The following RNF19B variants were observed in gnomAD, a reference collection of about 807,000 sequenced individuals.
RNF19B encodes the protein ring finger protein 19B.
RNF19B carries 23 observed loss-of-function variants against 65.5 expected under a neutral mutation model. The observed-to-expected ratio is 0.35, with a 90% CI of 0.25 to 0.50. The LOEUF is 0.50. Among genes scored for constraint, RNF19B ranks in the 20% least tolerant of loss-of-function variants. RNF19B has a pLI of 0.98. For synonymous variants in RNF19B, 372 were observed against 379.6 expected (o/e 0.98, Z 0.23); for missense variants, 794 against 980.0 (o/e 0.81, Z 2.53).
chr1:32,953,577 A>T (rs1009105849), intron 1 of RNF19B, among the ~76,000 whole-genome samples: 4 of 152,042 alleles, frequency 2.6e-5, no homozygotes, highest in Non-Finnish European at 4.4e-5. Context: ...CTGTATTAAA[A>T]CTCTTTTCAG....
In RNF19B at chr1:32,964,038, C is replaced by G; in HGVS notation, c.635+13G>C. ...GCAGCCCGCCGCCACCCGCGCCACG[C>G]CCCCGCGCTCACCCGCAGTCCGGGG... is the stretch of plus-strand genomic sequence containing the variant. On this transcript the variant is annotated intron_variant, in intron 1 of 8. Coordinates refer to ENST00000235150, the MANE Select transcript of RNF19B (RefSeq NM_001300826.2). The surrounding 1 kb of genome is among the most constrained non-coding windows in gnomAD (Gnocchi z 6.5). The G allele has an allele frequency of 1.4e-6, 2 of 1,465,356 alleles. No individual in the cohort carries two copies. The highest frequency in any genetic ancestry group is 9.0e-7 in the Non-Finnish European group (1 of 1,110,880). 90.8% of individuals were successfully genotyped at this position (1,465,356 alleles called of 1,614,324 possible).
intron 1 of RNF19B, among the ~76,000 whole-genome samples, chr1:32,953,815 A>G (rs533764377): frequency 1.3e-5 from 2 of 152,052 alleles, no homozygotes; most frequent in Non-Finnish European, 2.9e-5. Context: ...GTGGACATCC[A>G]GTAGGGAGCC....
intron 3 of RNF19B, 108 bp from the exon 4 acceptor site, chr1:32,946,672 G>A: frequency 3.2e-6 from 3 of 947,064 alleles, no homozygotes; most frequent in Non-Finnish European, 4.6e-6. Context: ...ATTAACAGAA[G>A]AGTTTATGGG....
intron 5 of RNF19B, among the ~76,000 whole-genome samples, chr1:32,945,059 T>C (rs1001079157): frequency 6.6e-6 from 1 of 152,148 alleles, no homozygotes; most frequent in Non-Finnish European, 1.5e-5. Flanking sequence ...AATTAATATA[T>C]GCAAAAGTCT....
At chr1:32,936,161 A>C (rs951012794), downstream of RNF19B, among the ~76,000 whole-genome samples, 1 of 152,222 alleles carries the variant, frequency 6.6e-6, no homozygotes. Flanking sequence ...AGTAAATTGC[A>C]CAGTTGCTTC....
At position 32,948,338 on chromosome 1, in the gene RNF19B, G is replaced by C; in HGVS notation, c.867C>G (p.Cys289Trp). 6.2e-7 allele frequency: 1 copy of C among 1,613,558 alleles called. No homozygotes were observed. Among genetic ancestry groups the C allele is most frequent in the Non-Finnish European group, 8.5e-7 (1 of 1,179,648 alleles). Residue 289 changes from cysteine (C) to tryptophan (W), a missense_variant, in exon 3 of 9, where the codon TGC (cysteine) becomes TGG (tryptophan). Physicochemically the swap from Cys to Trp is radical, Grantham distance 215. Around this residue, in one of 3 missense-constraint regions of RNF19B, gnomAD observed 374 missense variants for 423.8 expected, o/e 0.88. Coordinates refer to ENST00000235150, the MANE Select transcript of RNF19B (RefSeq NM_001300826.2). ...CATTCATCTTGATAATGTATGCACT[G>C]CATCGTGGGCATGGCTTGATGTCAT... The part of the protein sequence containing the change: ...GPDDIKPCPR[C>W]SAYIIKMNDG...
chr1:32,944,245 C>T, intron 5 of RNF19B, 86 bp from the exon 6 acceptor site: 1 of 1,430,280 alleles, frequency 7.0e-7, no homozygotes, highest in Non-Finnish European at 9.4e-7. Flanking sequence ...ATGGACAAAC[C>T]ACTTTATAAA....
downstream of RNF19B, among the ~76,000 whole-genome samples, chr1:32,931,918 T>C (rs1642033509): frequency 1.3e-5 from 2 of 152,156 alleles, no homozygotes; most frequent in African/African-American, 2.4e-5. Context: ...CATTTTCCAA[T>C]GGTGACTAGA....
At chr1:32,938,982 A>T (rs1642171777) in intron 7 of RNF19B, among the ~76,000 whole-genome samples, 1 of 152,098 alleles carries the variant, frequency 6.6e-6, no homozygotes. Context: ...AATCATAGTC[A>T]CTCTGAATTC....
intron 6 of RNF19B, 39 bp downstream of exon 6, chr1:32,943,980 A>G (rs925694490): frequency 6.3e-7 from 1 of 1,575,932 alleles, no homozygotes. Flanking sequence ...TATCTTGTAT[A>G]TCATAAATTC....
Position 32,946,394 on chromosome 1 carries a change from T to C in RNF19B, c.1146+8A>G. The C allele has an allele frequency of 1.2e-6, 2 of 1,613,116 alleles. No homozygotes were observed. Among genetic ancestry groups the C allele is most frequent in the Non-Finnish European group, 1.7e-6 (2 of 1,179,466 alleles). On this transcript the variant is annotated splice_region_variant and intron_variant, in intron 4 of 8. Coordinates refer to ENST00000235150, the MANE Select transcript of RNF19B (RefSeq NM_001300826.2). Reference sequence around the variant, plus strand: ...AAACAAGCACAGAAACCAGCATGTCTTTCTTACCTTCCTTCCAACATAAAC... The same window carrying C: ...AAACAAGCACAGAAACCAGCATGTCCTTCTTACCTTCCTTCCAACATAAAC...
At chr1:32,948,726 C>T (rs1381027969) in intron 2 of RNF19B, among the ~76,000 whole-genome samples, 1 of 152,130 alleles carries the variant, frequency 6.6e-6, no homozygotes, top group Non-Finnish European at 1.5e-5. Context: ...GAAAGAATAG[C>T]CTGCAGCCTG....
chr1:32,964,664 C>T lies in RNF19B; in HGVS notation c.22G>A (p.Glu8Lys), dbSNP rs1642865524. Residue 8 changes from glutamate (E) to lysine (K), a missense_variant, in exon 1 of 9, where the codon GAG becomes AAG. Coordinates refer to ENST00000235150, the MANE Select transcript of RNF19B (RefSeq NM_001300826.2). The surrounding 1 kb of genome is among the most constrained non-coding windows in gnomAD (Gnocchi z 6.5). MGSEKDS[E>K]SPRSTSLHAA... Reference sequence around the variant, plus strand: ...TGTAGCGATGTGGAGCGCGGCGACTCGGAGTCCTTCTCGGAGCCCATGGCC... The same window carrying T: ...TGTAGCGATGTGGAGCGCGGCGACTTGGAGTCCTTCTCGGAGCCCATGGCC... 3 of 1,472,054 alleles carry T rather than the reference C, an allele frequency of 2.0e-6. No individual in the cohort carries two copies. The highest frequency in any genetic ancestry group is 1.8e-6 in the Non-Finnish European group (2 of 1,115,746). The allele number at this position is 1,472,054 out of a possible 1,614,324, so 91.2% of individuals were successfully genotyped here.
In RNF19B at chr1:32,942,266, C is replaced by G. The variant is rs1311628700; in HGVS notation, c.1596G>C (p.Lys532Asn). 1 of 1,607,444 alleles carries G rather than the reference C, an allele frequency of 6.2e-7. No homozygotes were observed. Among genetic ancestry groups the G allele is most frequent in the South Asian group, 1.1e-5 (1 of 90,838 alleles). ...TATTTGTTTACCTGCTATATTTTCC[C>G]TTGCCACTGGAGAGAATGCCGCCAC... ...TLSGGILSSG[K>N]GKYSRLEVQA... is the part of the protein sequence containing the mutation. The change falls in exon 7 of 9, where the codon AAG becomes AAC. Residue 532 changes from lysine to asparagine, a missense_variant. By Grantham distance (94) the Lys-to-Asn change is moderately conservative. Coordinates refer to ENST00000235150, the MANE Select transcript of RNF19B (RefSeq NM_001300826.2).
intron 1 of RNF19B, among the ~76,000 whole-genome samples, chr1:32,963,179 G>T (rs1480008191): frequency 6.6e-6 from 1 of 152,068 alleles, no homozygotes; most frequent in East Asian, 1.9e-4. Flanking sequence ...AGCAAGGTAA[G>T]AACGACAGAG....
intron 1 of RNF19B, among the ~76,000 whole-genome samples, chr1:32,959,688 TC>T (rs948851675): frequency 6.6e-6 from 1 of 152,276 alleles, no homozygotes; most frequent in Non-Finnish European, 1.5e-5. Context: ...TAATTTTATC[TC>T]ATTTGACAGC....
At chr1:32,946,357 A>T (rs775597353) in intron 4 of RNF19B, 45 bp downstream of exon 4, 1 of 1,580,896 alleles carries the variant, frequency 6.3e-7, no homozygotes, top group South Asian at 1.1e-5. Flanking sequence ...TTTACTAACG[A>T]ACCTAAAGTT....
chr1:32,958,512 C>T (rs537221481), intron 1 of RNF19B, among the ~76,000 whole-genome samples: 227 of 152,050 alleles, frequency 1.5e-3, no homozygotes, highest in Non-Finnish European at 2.1e-3. Context: ...GTCAGGAGAT[C>T]GAGACCATCC....
intron 7 of RNF19B, 41 bp from the exon 8 acceptor site, chr1:32,938,569 G>C (rs374372281): frequency 4.4e-6 from 7 of 1,601,034 alleles, no homozygotes; most frequent in Non-Finnish European, 6.0e-6. Context: ...TGAGACCTGG[G>C]TATTCCAAGA....
Sources: gnomAD v4.1 joint callset for allele counts (sites outside exome capture counted in the v4.1 genomes callset) on GRCh38, gnomAD v4.1.1 for gene constraint, gnomAD v4.1.1 regional missense constraint, Gnocchi (gnomAD v3.1) non-coding constraint, MANE v1.5 for transcripts, NCBI Gene and HGNC (gene_info 2026-07-23, HGNC 2026-07-21) for gene names.